GTPBP10: variants seen among roughly 807,000 people sequenced by gnomAD.
GTPBP10 encodes GTP-binding protein 10.
Under a neutral mutation model 44.8 loss-of-function variants are expected in GTPBP10, and 38 were observed. The ratio of observed to expected loss-of-function variants is 0.85; its 90% CI spans 0.65 to 1.11. GTPBP10 has a LOEUF of 1.11. Among genes scored for constraint, GTPBP10 ranks in the 50% most tolerant of loss-of-function variants. The pLI is 0.00. For missense variants in GTPBP10, 462 were observed against 453.7 expected (o/e 1.02, Z -0.17); for synonymous variants, 152 against 150.6 (o/e 1.01, Z -0.07).
intron 8 of GTPBP10, among the ~76,000 whole-genome samples, chr7:90,381,912 G>C (rs879053756): frequency 6.6e-6 from 1 of 152,060 alleles, no homozygotes; most frequent in African/African-American, 2.4e-5. Context: ...TAAAAAATCA[G>C]TTCAAAGTTG....
chr7:90,347,748 CAG>C (rs1323939060), intron 1 of GTPBP10, among the ~76,000 whole-genome samples: 2 of 152,180 alleles, frequency 1.3e-5, no homozygotes, highest in African/African-American at 2.4e-5. Context: ...CCAGCAAAGT[CAG>C]AGAATTGATT....
Position 90,382,962 on chromosome 7 carries a change from G to A in GTPBP10, c.784G>A (p.Glu262Lys). Residue 262 changes from glutamate (E) to lysine (K), a missense_variant, in exon 9 of 10, where the codon GAA becomes AAA. Glu to Lys is a moderately conservative substitution (Grantham distance 56). Transcript: ENST00000222511. ...ETIILLTKEL[E>K]LYKEELQTKP... Reference sequence around the variant, plus strand: ...TTTCTCTTTTGATTTAAAGGAGTTGGAATTGTACAAAGAGGAACTTCAGAC... The same window carrying A: ...TTTCTCTTTTGATTTAAAGGAGTTGAAATTGTACAAAGAGGAACTTCAGAC... The A allele has an allele frequency of 6.5e-7, 1 of 1,545,772 alleles. No individual in the cohort carries two copies. Among genetic ancestry groups the A allele is most frequent in the Admixed American group, 1.8e-5 (1 of 56,220 alleles).
chr7:90,357,202 A>G (rs1053572901), intron 4 of GTPBP10, among the ~76,000 whole-genome samples: 11 of 152,196 alleles, frequency 7.2e-5, no homozygotes, highest in Non-Finnish European at 1.3e-4. Flanking sequence ...TTTTCAAGAA[A>G]AATTTCAAAT....
intron 4 of GTPBP10, among the ~76,000 whole-genome samples, chr7:90,363,052 A>G (rs13230416): frequency 2.6e-5 from 4 of 151,790 alleles, no homozygotes; most frequent in African/African-American, 4.8e-5. Context: ...TGGGTCTCCT[A>G]AATACAGCAC....
intron 4 of GTPBP10, among the ~76,000 whole-genome samples, chr7:90,361,798 C>A (rs1449092535): frequency 6.6e-6 from 1 of 152,134 alleles, no homozygotes; most frequent in Non-Finnish European, 1.5e-5. Flanking sequence ...ATTATTGCCT[C>A]AATTTCAGAG....
Position 90,372,163 on chromosome 7 carries a change from A to C in GTPBP10, c.473A>C (p.Asn158Thr). ...TTATATTCTTGTTTCAGATTCCCAA[A>C]TGCTGGAAAATCCTCTTTGCTAAGT... ...IADVGLVGFP[N>T]AGKSSLLSCV... The change falls in exon 5 of 10, where the codon AAT (asparagine) becomes ACT (threonine). Residue 158 changes from asparagine (N) to threonine (T), a missense_variant. Asn to Thr is a moderately conservative substitution (Grantham distance 65, BLOSUM62 0). Coordinates refer to ENST00000222511, the MANE Select transcript of GTPBP10 (RefSeq NM_033107.4). 6.3e-7 allele frequency: 1 copy of C among 1,599,578 alleles called. No individual in the cohort carries two copies. Among genetic ancestry groups the C allele is most frequent in the South Asian group, 1.1e-5 (1 of 89,824 alleles).
intron 6 of GTPBP10, among the ~76,000 whole-genome samples, chr7:90,376,884 G>C (rs1398893539): frequency 2.6e-5 from 4 of 152,176 alleles, no homozygotes; most frequent in Non-Finnish European, 5.9e-5. Flanking sequence ...TTGAAATTCT[G>C]TGAAAAGTTC....
Position 90,386,526 on chromosome 7 carries a change from G to A in GTPBP10, c.*1372G>A, listed in dbSNP as rs1332640379. 6.6e-6 allele frequency: 1 copy of A among 151,932 alleles called. No homozygotes were observed. The highest frequency in any genetic ancestry group is 1.5e-5 in the Non-Finnish European group (1 of 67,994). 9.4% of individuals were successfully genotyped at this position (151,932 alleles called of 1,614,324 possible). A position where few individuals can be genotyped will look rare whatever the true frequency, so the allele number is the denominator to read the frequency against. On this transcript the variant is annotated 3_prime_UTR_variant, in exon 10 of 10. Transcript: ENST00000222511. ...TTTCCCACTTTCTTATTTTAGTAAAGAGAGAATAAATAGCAAGTGCAGGCC... is the reference window on the plus strand; with the variant it reads ...TTTCCCACTTTCTTATTTTAGTAAAAAGAGAATAAATAGCAAGTGCAGGCC...
intron 4 of GTPBP10, among the ~76,000 whole-genome samples, chr7:90,360,686 G>A (rs553466702): frequency 6.6e-6 from 1 of 152,262 alleles, no homozygotes; most frequent in East Asian, 1.9e-4. Context: ...AAAGTCATTG[G>A]TAGCTTGATG....
chr7:90,370,053 G>A (rs1233901013), intron 4 of GTPBP10, among the ~76,000 whole-genome samples: 2 of 151,978 alleles, frequency 1.3e-5, no homozygotes, highest in African/African-American at 4.8e-5. Flanking sequence ...CTACCTATTG[G>A]GTACAATGTA....
Position 90,378,167 on chromosome 7 carries a change from A to C in GTPBP10, c.733A>C (p.Thr245Pro). The part of the protein sequence containing the change: ...DISGFQLSSH[T>P]QYRTAFETII... ...TTCTGGATTTCAGCTTTCTTCTCAC[A>C]CTCAATACAGGACAGCTTTTGAAAC... Residue 245 changes from threonine (T) to proline (P), a missense_variant, in exon 8 of 10, where the codon ACT (threonine) becomes CCT (proline). Physicochemically the swap from Thr to Pro is conservative, Grantham distance 38. Transcript: ENST00000222511. 1 of 1,613,076 alleles carries C rather than the reference A, an allele frequency of 6.2e-7. No individual in the cohort carries two copies. Among genetic ancestry groups the C allele is most frequent in the Non-Finnish European group, 8.5e-7 (1 of 1,179,580 alleles).
At chr7:90,358,107 T>C (rs1795941656) in intron 4 of GTPBP10, among the ~76,000 whole-genome samples, 1 of 152,142 alleles carries the variant, frequency 6.6e-6, no homozygotes, top group African/African-American at 2.4e-5. Flanking sequence ...AAAATCAGTA[T>C]ACACAAATCA....
rs138682455 is a variant in GTPBP10 at position 90,369,825 on chromosome 7, C to T, written c.465-2330C>T. ...TTTGGTTTGCCCTCCATGCACTGCACCCACTGCCCAACCCGCCACATTGAG... is the reference window on the plus strand; with the variant it reads ...TTTGGTTTGCCCTCCATGCACTGCATCCACTGCCCAACCCGCCACATTGAG... On this transcript the variant is annotated intron_variant, in intron 4 of 9. Transcript: ENST00000222511. 2.1e-3 allele frequency among the ~76,000 whole-genome samples: 313 copies of T among 152,284 alleles called. 1 individual carries two copies. The highest frequency in any genetic ancestry group is 7.0e-3 in the African/African-American group (293 of 41,564).
intron 8 of GTPBP10, among the ~76,000 whole-genome samples, chr7:90,379,134 G>GTGTA (rs1464156137): frequency 6.6e-6 from 1 of 152,186 alleles, no homozygotes; most frequent in African/African-American, 2.4e-5. Context: ...CTTAGTGAAT[G>GTGTA]TGTAAGCTAT....
intron 8 of GTPBP10, among the ~76,000 whole-genome samples, chr7:90,381,153 G>T (rs1425041646): frequency 6.6e-6 from 1 of 152,184 alleles, no homozygotes; most frequent in Non-Finnish European, 1.5e-5. Flanking sequence ...ATACCCAGAA[G>T]TGGGATTGCC....
In GTPBP10 at chr7:90,369,531, C is replaced by A. The variant is rs28945396; in HGVS notation, c.465-2624C>A. On this transcript the variant is annotated intron_variant, in intron 4 of 9. Coordinates refer to ENST00000222511, the MANE Select transcript of GTPBP10 (RefSeq NM_033107.4). Reference sequence around the variant, plus strand: ...CTCAAGCCTCAGCAATTGCGGATACCCCTCCACCTGCCAAGCTGCAGCTCA... The same window carrying A: ...CTCAAGCCTCAGCAATTGCGGATACACCTCCACCTGCCAAGCTGCAGCTCA... Among the ~76,000 whole-genome samples, 20 of 152,272 alleles carry A rather than the reference C, an allele frequency of 1.3e-4. No individual in the cohort carries two copies. The East Asian group carries it at 3.3e-3, about 25-fold the overall frequency.
intron 4 of GTPBP10, among the ~76,000 whole-genome samples, chr7:90,362,466 G>A (rs191324734): frequency 5.3e-5 from 8 of 152,174 alleles, no homozygotes; most frequent in Admixed American, 2.6e-4. Context: ...TGAATCCTGA[G>A]TTCCAATTTG....
chr7:90,382,258 ATT>A (rs1310754319), intron 8 of GTPBP10, among the ~76,000 whole-genome samples: 1 of 152,164 alleles, frequency 6.6e-6, no homozygotes, highest in African/African-American at 2.4e-5. Context: ...CATTTGTTTC[ATT>A]CTTTTCTTTC....
intron 4 of GTPBP10, among the ~76,000 whole-genome samples, chr7:90,359,726 C>T (rs1465771865): frequency 6.6e-6 from 1 of 152,190 alleles, no homozygotes; most frequent in Non-Finnish European, 1.5e-5. Flanking sequence ...CGCTGTCTTC[C>T]ACAATGGTTG....
Sources: gnomAD v4.1 joint callset for allele counts (sites outside exome capture counted in the v4.1 genomes callset) on GRCh38, gnomAD v4.1.1 for gene constraint, MANE v1.5 for transcripts, NCBI Gene and HGNC (gene_info 2026-07-23, HGNC 2026-07-21) for gene names.